Variants in TBC1D22A observed in about 807,000 individuals in gnomAD.
TBC1D22A encodes putative GTPase activator.
TBC1D22A carries 38 observed loss-of-function variants against 60.2 expected under a neutral mutation model. The ratio of observed to expected loss-of-function variants is 0.63; its 90% CI spans 0.49 to 0.83. TBC1D22A has a LOEUF of 0.83. TBC1D22A is among the 40% of genes least tolerant of loss of function. TBC1D22A has a pLI of 0.00. For missense variants in TBC1D22A, 628 were observed against 701.0 expected (o/e 0.90, Z 1.18); for synonymous variants, 302 against 281.7 (o/e 1.07, Z -0.72).
intron 8 of TBC1D22A, among the ~76,000 whole-genome samples, chr22:46,943,129 G>T (rs536093212): frequency 1.6e-3 from 249 of 152,262 alleles, no homozygotes; most frequent in African/African-American, 5.7e-3. Flanking sequence ...AGAGCTAATT[G>T]CAATTAATGT....
intron 11 of TBC1D22A, among the ~76,000 whole-genome samples, chr22:47,079,597 T>C (rs1374892223): frequency 6.6e-6 from 1 of 152,174 alleles, no homozygotes; most frequent in Non-Finnish European, 1.5e-5. Context: ...TAAGGATGTA[T>C]TCTATAAACC....
intron 11 of TBC1D22A, among the ~76,000 whole-genome samples, chr22:47,043,554 G>T (rs554437849): frequency 1.3e-5 from 2 of 152,318 alleles, no homozygotes; most frequent in African/African-American, 4.8e-5. Context: ...GCAAGAGTGC[G>T]ATACAGGTGC....
intron 8 of TBC1D22A, among the ~76,000 whole-genome samples, chr22:46,921,198 G>T (rs756882223): frequency 1.3e-5 from 2 of 152,144 alleles, no homozygotes; most frequent in African/African-American, 4.8e-5. Flanking sequence ...GGTAATAAGC[G>T]TAGTACCCGA....
intron 10 of TBC1D22A, among the ~76,000 whole-genome samples, chr22:47,017,778 C>T (rs2061956123): frequency 6.6e-6 from 1 of 152,144 alleles, no homozygotes; most frequent in South Asian, 2.1e-4. Context: ...CCTCTTAGTT[C>T]TTTGTATGTA....
Position 46,797,424 on chromosome 22 carries a change from C to A in TBC1D22A, c.461-20C>A, listed in dbSNP as rs1370436373. Reference sequence around the variant, plus strand: ...GGGAGGAGCGCCCTCACCCTCACCCCCATTCTCTCACCCCTGCAGAAAGTG... The same window carrying A: ...GGGAGGAGCGCCCTCACCCTCACCCACATTCTCTCACCCCTGCAGAAAGTG... On this transcript the variant is annotated intron_variant, in intron 3 of 12. Coordinates refer to ENST00000337137, the MANE Select transcript of TBC1D22A (RefSeq NM_014346.5). 3 of 1,611,852 alleles carry A rather than the reference C, an allele frequency of 1.9e-6. No homozygotes were observed. The highest frequency in any genetic ancestry group is 2.7e-5 in the African/African-American group (2 of 74,922).
intron 11 of TBC1D22A, among the ~76,000 whole-genome samples, chr22:47,090,846 C>A (rs1393566856): frequency 9.5e-6 from 1 of 104,878 alleles, no homozygotes; most frequent in African/African-American, 3.8e-5. Flanking sequence ...CACGAGAAGT[C>A]GTCTTTGGGG....
At chr22:46,844,006 T>C (rs2086885568) in intron 4 of TBC1D22A, among the ~76,000 whole-genome samples, 1 of 151,794 alleles carries the variant, frequency 6.6e-6, no homozygotes, top group South Asian at 2.1e-4. Flanking sequence ...TGTGGGGTTG[T>C]TCGGTCTTGA....
chr22:47,108,091 A>C (rs143088675), intron 11 of TBC1D22A, among the ~76,000 whole-genome samples: 69 of 152,370 alleles, frequency 4.5e-4, no homozygotes, highest in African/African-American at 1.6e-3. Context: ...CATGGGGAGA[A>C]AACATTTGCA....
chr22:46,913,856 A>G (rs1381489663), intron 8 of TBC1D22A: 6 of 767,932 alleles, frequency 7.8e-6, no homozygotes, highest in Non-Finnish European at 9.5e-6. Context: ...ATTATCTGCA[A>G]GACAGGATGA....
intron 1 of TBC1D22A, chr22:46,763,876 C>T (rs756342291): frequency 6.6e-6 from 1 of 152,196 alleles, no homozygotes; most frequent in African/African-American, 2.4e-5. Context: ...GGACAGATCA[C>T]CTGAGGTCAG....
At chr22:46,900,513 T>C (rs1180081237) in intron 7 of TBC1D22A, among the ~76,000 whole-genome samples, 1 of 152,172 alleles carries the variant, frequency 6.6e-6, no homozygotes, top group Non-Finnish European at 1.5e-5. Context: ...TTTCCGTCAC[T>C]CTGCGAGGTT....
Position 47,137,010 on chromosome 22 carries a change from G to A in TBC1D22A, c.1425+25407G>A, listed in dbSNP as rs546395400. ...TGAGCAAACCTGGTCCCGGGCCCTGGCTACGTCTTCACTCGGCGCGGGCAA... is the reference window on the plus strand; with the variant it reads ...TGAGCAAACCTGGTCCCGGGCCCTGACTACGTCTTCACTCGGCGCGGGCAA... On this transcript the variant is annotated intron_variant, in intron 12 of 12. Transcript: ENST00000337137. 2.0e-5 allele frequency among the ~76,000 whole-genome samples: 3 copies of A among 152,288 alleles called. No individual in the cohort carries two copies. In the East Asian group the frequency reaches 5.8e-4, roughly 30 times the overall value.
At chr22:47,127,547 G>A (rs1298030953) in intron 12 of TBC1D22A, among the ~76,000 whole-genome samples, 1 of 151,988 alleles carries the variant, frequency 6.6e-6, no homozygotes, top group Non-Finnish European at 1.5e-5. Context: ...TTTGACGTGG[G>A]CCTCCTAGGC....
chr22:46,973,633 T>G (rs1269227737), intron 8 of TBC1D22A, among the ~76,000 whole-genome samples: 4 of 152,128 alleles, frequency 2.6e-5, no homozygotes, highest in African/African-American at 9.7e-5. Context: ...ATGACAACAG[T>G]TTTGTAAGGA....
At chr22:46,893,857 A>G (rs1400307091) in intron 6 of TBC1D22A, among the ~76,000 whole-genome samples, 1 of 152,022 alleles carries the variant, frequency 6.6e-6, no homozygotes, top group East Asian at 1.9e-4. Context: ...AGCTTACTCC[A>G]TTTGGCTGTT....
Position 46,997,796 on chromosome 22 carries a change from G to T in TBC1D22A, c.1201+87G>T, listed in dbSNP as rs141180243. 42 of 1,255,738 alleles carry T rather than the reference G, an allele frequency of 3.3e-5. 1 individual carries two copies. Among genetic ancestry groups the T allele is most frequent in the African/African-American group, 1.6e-4 (11 of 68,194 alleles). 77.8% of individuals were successfully genotyped at this position (1,255,738 alleles called of 1,614,324 possible). On this transcript the variant is annotated intron_variant, in intron 10 of 12. Transcript: ENST00000337137. Reference sequence around the variant, plus strand: ...GTGGGACAGGGAGCTGTCCTCATCCGCCGGCAGCATCCTGGCCTGCTCAGG... The same window carrying T: ...GTGGGACAGGGAGCTGTCCTCATCCTCCGGCAGCATCCTGGCCTGCTCAGG...
At chr22:47,102,303 A>G (rs1011617544) in intron 11 of TBC1D22A, among the ~76,000 whole-genome samples, 3 of 152,188 alleles carry the variant, frequency 2.0e-5, no homozygotes, top group East Asian at 1.9e-4. Flanking sequence ...TGAGTCAGCC[A>G]GTGCTCATCC....
At position 47,172,055 on chromosome 22, in the gene TBC1D22A, G is replaced by A. The variant is rs545821289; in HGVS notation, c.1426-1443G>A. Among the ~76,000 whole-genome samples, 5 of 145,208 alleles carry A rather than the reference G, an allele frequency of 3.4e-5. No individual in the cohort carries two copies. The South Asian group carries it at 1.1e-3, about 32-fold the overall frequency. On this transcript the variant is annotated intron_variant, in intron 12 of 12. Coordinates refer to ENST00000337137, the MANE Select transcript of TBC1D22A (RefSeq NM_014346.5). ...TGAGCCTACCCAGCACTCCCAGTGA[G>A]CCTACCCAGCACTCCCAGTGAGCCT...
chr22:46,797,153 T>C (rs2084689463), intron 3 of TBC1D22A, among the ~76,000 whole-genome samples: 1 of 152,196 alleles, frequency 6.6e-6, no homozygotes, highest in African/African-American at 2.4e-5. Flanking sequence ...CAGGCACTGG[T>C]GGGAGCCTGA....
Sources: gnomAD v4.1 joint callset for allele counts (sites outside exome capture counted in the v4.1 genomes callset) on GRCh38, gnomAD v4.1.1 for gene constraint, MANE v1.5 for transcripts, NCBI Gene and HGNC (gene_info 2026-07-23, HGNC 2026-07-21) for gene names.